MTUS2: variants seen among roughly 807,000 people sequenced by gnomAD.
MTUS2 encodes the protein microtubule-associated tumor suppressor candidate 2.
Under a neutral mutation model 114.1 loss-of-function variants are expected in MTUS2, and 40 were observed. The ratio of observed to expected loss-of-function variants is 0.35; its 90% CI spans 0.27 to 0.46. The LOEUF is 0.46. MTUS2 is among the 20% of genes least tolerant of loss of function. The probability of loss-of-function intolerance (pLI) is 1.00; values close to 1 mark genes in which losing one functional copy is unlikely to be tolerated. For synonymous variants in MTUS2, 688 were observed against 672.0 expected, an observed-to-expected ratio of 1.02 and a Z score of -0.37; for missense variants, 1,679 against 1,705.4, an observed-to-expected ratio of 0.98 and a Z score of 0.27.
At chr13:29,091,549 G>T (rs1593466124) in intron 4 of MTUS2, among the ~76,000 whole-genome samples, 1 of 152,008 alleles carries the variant, frequency 6.6e-6, no homozygotes. Flanking sequence ...TGCCCAGTAG[G>T]CTTATATCTT....
intron 5 of MTUS2, among the ~76,000 whole-genome samples, chr13:29,191,603 C>A (rs1019045741): frequency 1.3e-5 from 2 of 152,060 alleles, no homozygotes; most frequent in African/African-American, 4.8e-5. Flanking sequence ...GTCCAAGAGA[C>A]CATCTGGGGC....
chr13:29,162,972 T>G (rs1160956754), intron 5 of MTUS2, among the ~76,000 whole-genome samples: 4 of 150,884 alleles, frequency 2.7e-5, no homozygotes, highest in African/African-American at 9.8e-5. Flanking sequence ...CTGTGTCTTG[T>G]CTCTAAAAGT....
chr13:28,923,931 C>A (rs1201472120), intron 2 of MTUS2, among the ~76,000 whole-genome samples: 3 of 151,964 alleles, frequency 2.0e-5, no homozygotes, highest in African/African-American at 7.3e-5. Context: ...AGCTGCCCTT[C>A]TCCACCCTCC....
intron 5 of MTUS2, among the ~76,000 whole-genome samples, chr13:29,273,775 A>T (rs1007473965): frequency 3.9e-5 from 6 of 152,194 alleles, no homozygotes; most frequent in Non-Finnish European, 1.5e-5. Flanking sequence ...CATTTCATAT[A>T]AATGTAATTA....
chr13:29,492,868 T>C (rs1386867254), intron 12 of MTUS2, 149 bp downstream of exon 12: 2 of 655,304 alleles, frequency 3.1e-6, no homozygotes, highest in Non-Finnish European at 5.2e-6. Flanking sequence ...TCGCTACTCT[T>C]AAGAAATGTG....
intron 2 of MTUS2, among the ~76,000 whole-genome samples, chr13:28,939,024 C>A (rs1009121420): frequency 6.6e-6 from 1 of 152,200 alleles, no homozygotes; most frequent in African/African-American, 2.4e-5. Context: ...CAGGAATTAA[C>A]CAAAGTAATC....
chr13:28,910,855 CTTTTTTTTTTTTTTTTTTTTTTTTTT>C lies in MTUS2; in HGVS notation c.-243+71018_-243+71043del, dbSNP rs555935861. ...CTGCAATGAACACACATATACATGGCTTTTTTTTTTTTTTTTTTTTTTTTTTTTTTTTTTTTTTGAGATGGAGTCTT... is the reference window on the plus strand; with the variant it reads ...CTGCAATGAACACACATATACATGGCTTTTTTTTTTTTGAGATGGAGTCTT... On this transcript the variant is annotated intron_variant, in intron 2 of 15. Coordinates refer to ENST00000612955, the MANE Select transcript of MTUS2 (RefSeq NM_001033602.4). Among the ~76,000 whole-genome samples the C allele has an allele frequency of 3.8e-4, 22 of 58,040 alleles. No homozygotes were observed. The East Asian group carries it at 7.2e-3, about 19-fold the overall frequency. 38.1% of individuals were successfully genotyped at this position (58,040 alleles called of 152,430 possible). A position where few individuals can be genotyped will look rare whatever the true frequency, so the allele number is the denominator to read the frequency against.
chr13:29,087,644 A>G (rs1261329438), intron 4 of MTUS2, among the ~76,000 whole-genome samples: 1 of 152,218 alleles, frequency 6.6e-6, no homozygotes, highest in Non-Finnish European at 1.5e-5. Context: ...TGGCATTGAT[A>G]GTCATTAGCT....
intron 2 of MTUS2, among the ~76,000 whole-genome samples, chr13:28,865,498 T>C (rs1163528503): frequency 6.6e-6 from 1 of 152,260 alleles, no homozygotes; most frequent in Non-Finnish European, 1.5e-5. Context: ...CAGCCATTTG[T>C]GCTTCCAAGC....
intron 2 of MTUS2, among the ~76,000 whole-genome samples, chr13:28,865,771 G>C (rs1002040205): frequency 2.6e-5 from 4 of 152,156 alleles, no homozygotes; most frequent in African/African-American, 9.7e-5. Context: ...TTGGGAGCCA[G>C]CTATCGGGTT....
At chr13:29,111,846 G>A (rs570362113) in intron 5 of MTUS2, among the ~76,000 whole-genome samples, 1 of 152,154 alleles carries the variant, frequency 6.6e-6, no homozygotes, top group East Asian at 1.9e-4. Context: ...GTAACAGGCA[G>A]CAATTAGCAG....
chr13:28,875,134 G>A (rs1482238567), intron 2 of MTUS2, among the ~76,000 whole-genome samples: 1 of 150,290 alleles, frequency 6.7e-6, no homozygotes, highest in Non-Finnish European at 1.5e-5. Flanking sequence ...TAGTAGATAA[G>A]CTATTGGTTC....
At chr13:29,013,562 T>C (rs1289181625) in intron 2 of MTUS2, among the ~76,000 whole-genome samples, 5 of 152,362 alleles carry the variant, frequency 3.3e-5, no homozygotes, top group African/African-American at 7.2e-5. Flanking sequence ...AAACAGTGTT[T>C]GACAGATTTG....
chr13:28,974,768 C>T (rs1212488257), intron 2 of MTUS2, among the ~76,000 whole-genome samples: 1 of 152,120 alleles, frequency 6.6e-6, no homozygotes, highest in Non-Finnish European at 1.5e-5. Context: ...GAGGAAATTT[C>T]TGCTGTGCAA....
At chr13:29,153,525 A>C (rs1271302764) in intron 5 of MTUS2, among the ~76,000 whole-genome samples, 1 of 152,038 alleles carries the variant, frequency 6.6e-6, no homozygotes, top group African/African-American at 2.4e-5. Context: ...CTAGTCCATG[A>C]TTCTTTCCCA....
intron 2 of MTUS2, among the ~76,000 whole-genome samples, chr13:28,985,999 T>C (rs1347368120): frequency 1.3e-5 from 2 of 152,216 alleles, no homozygotes; most frequent in Non-Finnish European, 2.9e-5. Context: ...TCTCAATCTC[T>C]TTCTCTCGAG....
chr13:29,254,142 A>T (rs1897219449), intron 5 of MTUS2, among the ~76,000 whole-genome samples: 1 of 152,170 alleles, frequency 6.6e-6, no homozygotes, highest in African/African-American at 2.4e-5. Context: ...CATGATGAGG[A>T]TGAGAGGGTT....
intron 2 of MTUS2, among the ~76,000 whole-genome samples, chr13:29,017,545 A>G (rs1886117322): frequency 6.6e-6 from 1 of 152,224 alleles, no homozygotes; most frequent in Admixed American, 6.5e-5. Flanking sequence ...GTTTATTTTC[A>G]AAGTAAAGTA....
chr13:28,886,927 G>A (rs140633554), intron 2 of MTUS2, among the ~76,000 whole-genome samples: 107 of 152,298 alleles, frequency 7.0e-4, no homozygotes, highest in Non-Finnish European at 1.4e-3. Flanking sequence ...ATTTTGAAGC[G>A]CCTGTAGGGC....
Sources: allele counts gnomAD v4.1 joint callset (sites outside exome capture counted in the v4.1 genomes callset), GRCh38; gene constraint gnomAD v4.1.1; transcripts MANE v1.5; gene names NCBI Gene and HGNC (gene_info 2026-07-23, HGNC 2026-07-21).